Variants in SETD1A observed in about 807,000 individuals in gnomAD.
SETD1A encodes histone-lysine N-methyltransferase SETD1A.
SETD1A carries 29 observed loss-of-function variants against 149.9 expected under a neutral mutation model. The ratio of observed to expected loss-of-function variants is 0.19; its 90% CI spans 0.14 to 0.26. The LOEUF (loss-of-function observed/expected upper bound fraction) is 0.26. Ranked by LOEUF, SETD1A falls within the 10% of genes least tolerant of loss-of-function variation. The probability of loss-of-function intolerance (pLI) is 1.00; values close to 1 mark genes in which losing one functional copy is unlikely to be tolerated. For synonymous variants in SETD1A, 1,141 were observed against 968.5 expected (o/e 1.18, Z -3.31); for missense variants, 2,109 against 2,353.1 (o/e 0.90, Z 2.15).
intron 3 of SETD1A, among the ~76,000 whole-genome samples, chr16:30,959,954 C>G (rs562017791): frequency 1.3e-5 from 2 of 152,142 alleles, no homozygotes; most frequent in Non-Finnish European, 2.9e-5. Flanking sequence ...TTATCTACCT[C>G]CTTAACCTAC....
chr16:30,964,049 T>C (rs1567351254), intron 5 of SETD1A, 45 bp from the exon 6 acceptor site: 1 of 1,445,928 alleles, frequency 6.9e-7, no homozygotes, highest in Non-Finnish European at 9.6e-7. Flanking sequence ...TCTCAAGTGG[T>C]GTTTGAGCCC....
rs1263690889 is a variant in SETD1A, at chr16:30,967,076, G to A, written c.2682+16G>A. On this transcript the variant is annotated intron_variant, in intron 9 of 18. Transcript: ENST00000262519. ...TTCATTCAAGGTACTCAGAACTGTC[G>A]TTTTGTGGGGTAGGGTGGGGAGAGG... is the stretch of plus-strand genomic sequence containing the variant. 1.6e-5 allele frequency: 23 copies of A among 1,419,048 alleles called. No homozygotes were observed. Among genetic ancestry groups the A allele is most frequent in the African/African-American group, 4.3e-5 (3 of 69,630 alleles). The allele number at this position is 1,419,048 out of a possible 1,614,324, so 87.9% of individuals were successfully genotyped here. A position where few individuals can be genotyped will look rare whatever the true frequency, so the allele number is the denominator to read the frequency against.
intron 10 of SETD1A, among the ~76,000 whole-genome samples, chr16:30,968,873 G>A (rs554184184): frequency 1.4e-3 from 208 of 152,232 alleles, no homozygotes; most frequent in African/African-American, 4.8e-3. Flanking sequence ...AGGAGGCTGA[G>A]GCAGGAGGAT....
At position 30,964,363 on chromosome 16, in the gene SETD1A, C is replaced by T. The variant is rs1450779147; in HGVS notation, c.869+40C>T. The T allele has an allele frequency of 5.3e-6, 8 of 1,508,758 alleles. No individual in the cohort carries two copies. In the East Asian group the frequency reaches 1.6e-4, roughly 30 times the overall value. 93.5% of individuals were successfully genotyped at this position (1,508,758 alleles called of 1,614,324 possible). On this transcript the variant is annotated intron_variant, in intron 6 of 18. Coordinates refer to ENST00000262519, the MANE Select transcript of SETD1A (RefSeq NM_014712.3). ...CCGCCTGGGGCCCCGCCCGCAAAGT[C>T]TGGGAGCTGCCACTGGGAAGAAGAT...
At chr16:30,977,060 G>A (rs1425873627) in intron 13 of SETD1A, among the ~76,000 whole-genome samples, 1 of 152,064 alleles carries the variant, frequency 6.6e-6, no homozygotes, top group Non-Finnish European at 1.5e-5. Flanking sequence ...TGATTCTCCT[G>A]CCTCAGCCTC....
rs758001899 is a variant in SETD1A at position 30,964,708 on chromosome 16, C to A, written c.966C>A (p.Thr322=). 3 of 1,614,176 alleles carry A rather than the reference C, an allele frequency of 1.9e-6. No individual in the cohort carries two copies. In the East Asian group the frequency reaches 6.7e-5, roughly 36 times the overall value. Residue 322 remains threonine, a synonymous_variant, in exon 7 of 19, where the codon ACC becomes ACA. Transcript: ENST00000262519. ...TCTCTGCATCTTCAGCCTCCACAAC[C>A]GCCTCCACGGCCATCGCCGCCACCA... The part of the protein sequence containing the change: ...RHFSASSAST[T]ASTAIAATTA...
At chr16:30,958,626 G>C (rs2056000983) in intron 1 of SETD1A, 91 bp from the exon 2 acceptor site, 2 of 1,134,838 alleles carry the variant, frequency 1.8e-6, no homozygotes. Context: ...AGTGATGGGA[G>C]AACCTGGAAT....
rs150754116 is a variant in SETD1A at position 30,971,519 on chromosome 16, C to T, written c.3158C>T (p.Ser1053Leu). 47 of 1,613,746 alleles carry T rather than the reference C, an allele frequency of 2.9e-5. No individual in the cohort carries two copies. Among genetic ancestry groups the T allele is most frequent in the African/African-American group, 5.3e-5 (4 of 74,928 alleles). The stretch of plus-strand genomic sequence containing the variant: ...TCCTCCTCCTCGTCCTCATCCTCCT[C>T]GTCCTCTTCATCCTCTGAGTCCTCC... ...SSSSSSSSSSSSSSSSESSSE... is the reference protein window; with the variant it reads ...SSSSSSSSSSLSSSSSESSSE... The change falls in exon 13 of 19, where the codon TCG becomes TTG. Residue 1053 changes from serine to leucine, a missense_variant. Physicochemically the swap from Ser to Leu is moderately radical, Grantham distance 145. This residue lies in a region of SETD1A where 832 missense variants were observed against 815.6 expected (regional missense o/e 1.02). Transcript: ENST00000262519.
At chr16:30,978,942 C>A (rs555367178) in intron 13 of SETD1A, among the ~76,000 whole-genome samples, 1 of 152,198 alleles carries the variant, frequency 6.6e-6, no homozygotes, top group Non-Finnish European at 1.5e-5. Context: ...CGTGTCACAG[C>A]GGGAACGAAT....
Position 30,961,609 on chromosome 16 carries a change from T to A in SETD1A, c.517+72T>A. The A allele has an allele frequency of 6.9e-7, 1 of 1,449,340 alleles. No individual in the cohort carries two copies. The highest frequency in any genetic ancestry group is 9.5e-7 in the Non-Finnish European group (1 of 1,051,018). The allele number at this position is 1,449,340 out of a possible 1,614,324, so 89.8% of individuals were successfully genotyped here. A position where few individuals can be genotyped will look rare whatever the true frequency, so the allele number is the denominator to read the frequency against. ...TTGTACATGCAAATGCCTGTCAGGG[T>A]CAGGCAGGCGCCCAGGGTCATGATC... On this transcript the variant is annotated intron_variant, in intron 4 of 18. Transcript: ENST00000262519. The surrounding 1 kb of genome is among the most constrained non-coding windows in gnomAD (Gnocchi z 4.0).
chr16:30,971,013 A>G (rs780581183), intron 12 of SETD1A, among the ~76,000 whole-genome samples: 32 of 152,260 alleles, frequency 2.1e-4, no homozygotes, highest in Admixed American at 1.4e-3. Flanking sequence ...CACTTTAGGA[A>G]GGTTTGAGTG....
rs780870971 is a variant in SETD1A at position 30,967,075 on chromosome 16, C to A, written c.2682+15C>A. 5 of 1,463,624 alleles carry A rather than the reference C, an allele frequency of 3.4e-6. No homozygotes were observed. Among genetic ancestry groups the A allele is most frequent in the East Asian group, 2.7e-5 (1 of 36,518 alleles). The allele number at this position is 1,463,624 out of a possible 1,614,324, so 90.7% of individuals were successfully genotyped here. ...CTTCATTCAAGGTACTCAGAACTGT[C>A]GTTTTGTGGGGTAGGGTGGGGAGAG... On this transcript the variant is annotated intron_variant, in intron 9 of 18. Coordinates refer to ENST00000262519, the MANE Select transcript of SETD1A (RefSeq NM_014712.3).
In SETD1A at chr16:30,979,645, G is replaced by A. The variant is rs777176989; in HGVS notation, c.3859G>A (p.Glu1287Lys). 21 of 1,609,814 alleles carry A rather than the reference G, an allele frequency of 1.3e-5. 1 individual carries two copies. The Admixed American group carries it at 1.7e-4, about 13-fold the overall frequency. The stretch of plus-strand genomic sequence containing the variant: ...GGCCACAGAGACATCGGACGAGGCC[G>A]AGCGCCCTAGGCCCCTGCTCAGCCA... Reference protein sequence around the residue: ...SEATETSDEAERPRPLLSHIL... With the variant: ...SEATETSDEAKRPRPLLSHIL... Residue 1287 changes from glutamate to lysine, a missense_variant, in exon 14 of 19, where the codon GAG becomes AAG. By Grantham distance (56) the Glu-to-Lys change is moderately conservative. This residue lies in a region of SETD1A where 832 missense variants were observed against 815.6 expected (regional missense o/e 1.02). Coordinates refer to ENST00000262519, the MANE Select transcript of SETD1A (RefSeq NM_014712.3).
At chr16:30,963,381 G>A in intron 4 of SETD1A, 52 bp from the exon 5 acceptor site, 2 of 1,510,586 alleles carry the variant, frequency 1.3e-6, no homozygotes, top group Admixed American at 2.1e-5. Flanking sequence ...ACCAGATCAG[G>A]AAGGAGTTAG....
In SETD1A at chr16:30,984,144, T is replaced by G. The variant is rs2056423170; in HGVS notation, c.*121T>G. 2.0e-6 allele frequency: 2 copies of G among 998,850 alleles called. No homozygotes were observed. The highest frequency in any genetic ancestry group is 3.3e-5 in the African/African-American group (2 of 60,854). 61.9% of individuals were successfully genotyped at this position (998,850 alleles called of 1,614,324 possible). A position where few individuals can be genotyped will look rare whatever the true frequency, so the allele number is the denominator to read the frequency against. On this transcript the variant is annotated 3_prime_UTR_variant, in exon 19 of 19. Coordinates refer to ENST00000262519, the MANE Select transcript of SETD1A (RefSeq NM_014712.3). ...CATGCCCCCATCTCCAAGCGTGGGGTTGGGGGCCCCAAGCCCAGCGAGGGA... is the reference window on the plus strand; with the variant it reads ...CATGCCCCCATCTCCAAGCGTGGGGGTGGGGGCCCCAAGCCCAGCGAGGGA...
intron 10 of SETD1A, 128 bp downstream of exon 10, chr16:30,967,716 A>T: frequency 1.4e-6 from 1 of 734,050 alleles, no homozygotes; most frequent in African/African-American, 1.8e-5. Context: ...GTTGAAATGC[A>T]GCAGTTCTGA....
At position 30,979,899 on chromosome 16, in the gene SETD1A, A is replaced by G. The variant is rs2056344723; in HGVS notation, c.4113A>G (p.Glu1371=). The change falls in exon 14 of 19, where the codon GAA becomes GAG. Residue 1371 remains glutamate (E), a synonymous_variant. Coordinates refer to ENST00000262519, the MANE Select transcript of SETD1A (RefSeq NM_014712.3). ...GEEEGEEEGE[E]EEEESSDSSS... Reference sequence around the variant, plus strand: ...AGGAGGGGGAGGAAGAGGGGGAGGAAGAGGAGGAGGAGTCCTCTGACAGCA... The same window carrying G: ...AGGAGGGGGAGGAAGAGGGGGAGGAGGAGGAGGAGGAGTCCTCTGACAGCA... 2 of 1,534,218 alleles carry G rather than the reference A, an allele frequency of 1.3e-6. No individual in the cohort carries two copies. The highest frequency in any genetic ancestry group is 8.7e-7 in the Non-Finnish European group (1 of 1,146,220).
chr16:30,963,579 C>T (rs1015903448), intron 5 of SETD1A, 25 bp downstream of exon 5: 33 of 1,603,124 alleles, frequency 2.1e-5, no homozygotes, highest in Non-Finnish European at 2.6e-5. Flanking sequence ...GCTACCACAG[C>T]CCCTAGCCAT....
intron 10 of SETD1A, 57 bp from the exon 11 acceptor site, chr16:30,969,248 G>A: frequency 1.3e-6 from 2 of 1,556,284 alleles, no homozygotes; most frequent in South Asian, 2.3e-5. Context: ...CCCTTGCACA[G>A]GGCAAGTATC....
Sources: gnomAD v4.1 joint callset for allele counts (sites outside exome capture counted in the v4.1 genomes callset) on GRCh38, gnomAD v4.1.1 for gene constraint, gnomAD v4.1.1 regional missense constraint, Gnocchi (gnomAD v3.1) non-coding constraint, MANE v1.5 for transcripts, NCBI Gene and HGNC (gene_info 2026-07-23, HGNC 2026-07-21) for gene names.